The following TBC1D22A variants were observed in gnomAD, a reference collection of about 807,000 sequenced individuals.
TBC1D22A encodes the protein TBC1 domain family member 22A.
TBC1D22A carries 38 observed loss-of-function variants against 60.2 expected under a neutral mutation model. That is an observed-to-expected ratio of 0.63 (90% confidence interval 0.49 to 0.83). TBC1D22A has a LOEUF of 0.83. TBC1D22A is among the 40% of genes least tolerant of loss of function. TBC1D22A has a pLI of 0.00. For missense variants in TBC1D22A, 628 were observed against 701.0 expected (o/e 0.90, Z 1.18); for synonymous variants, 302 against 281.7 (o/e 1.07, Z -0.72).
chr22:46,773,485 G>A (rs923209946), intron 1 of TBC1D22A, among the ~76,000 whole-genome samples: 1 of 152,108 alleles, frequency 6.6e-6, no homozygotes, highest in East Asian at 1.9e-4. Context: ...TTTTTTTGGA[G>A]ATGGAGTCTT....
chr22:47,067,092 C>G (rs2063799820), intron 11 of TBC1D22A, among the ~76,000 whole-genome samples: 2 of 152,148 alleles, frequency 1.3e-5, no homozygotes. Flanking sequence ...ATGGTAAAAC[C>G]CTATCTCTAC....
intron 1 of TBC1D22A, among the ~76,000 whole-genome samples, chr22:46,786,821 T>C (rs1024945378): frequency 2.0e-5 from 3 of 152,196 alleles, no homozygotes; most frequent in Admixed American, 1.3e-4. Flanking sequence ...TCTGAGTAGC[T>C]GGGACTACAG....
At chr22:47,087,591 A>G (rs972908665) in intron 11 of TBC1D22A, among the ~76,000 whole-genome samples, 4 of 152,256 alleles carry the variant, frequency 2.6e-5, no homozygotes, top group Admixed American at 1.3e-4. Context: ...TAATATTATT[A>G]GTGCTGTTTG....
At chr22:47,124,072 G>A (rs766978764) in intron 12 of TBC1D22A, among the ~76,000 whole-genome samples, 10 of 152,176 alleles carry the variant, frequency 6.6e-5, no homozygotes, top group Non-Finnish European at 1.3e-4. Context: ...CTTACTGCCG[G>A]ATTAGGCCTC....
chr22:46,964,891 G>T (rs1011509997), intron 8 of TBC1D22A, among the ~76,000 whole-genome samples: 1 of 152,250 alleles, frequency 6.6e-6, no homozygotes, highest in Non-Finnish European at 1.5e-5. Flanking sequence ...TTGCGACAGG[G>T]GCCACAGCCA....
intron 12 of TBC1D22A, among the ~76,000 whole-genome samples, chr22:47,156,426 G>A (rs532681539): frequency 1.1e-4 from 17 of 152,298 alleles, no homozygotes; most frequent in African/African-American, 2.9e-4. Flanking sequence ...GCCACGGGCC[G>A]GCTGCTTGAC....
intron 11 of TBC1D22A, among the ~76,000 whole-genome samples, chr22:47,090,256 T>A (rs1215233403): frequency 2.0e-5 from 3 of 152,118 alleles, no homozygotes; most frequent in Non-Finnish European, 2.9e-5. Flanking sequence ...AGCTCATGTC[T>A]CCACCCGGCA....
chr22:47,016,456 AATAC>A (rs369298442), intron 10 of TBC1D22A, among the ~76,000 whole-genome samples: 3,102 of 152,234 alleles, frequency 0.02, 57 homozygotes, highest in South Asian at 0.084. Context: ...AAGTGTTTTG[AATAC>A]AGTCCTTGCC....
intron 3 of TBC1D22A, among the ~76,000 whole-genome samples, chr22:46,797,181 G>T (rs2084690926): frequency 1.3e-5 from 2 of 152,216 alleles, no homozygotes; most frequent in South Asian, 4.1e-4. Context: ...ACAGCCCGAG[G>T]GGCCCTGGAG....
intron 10 of TBC1D22A, among the ~76,000 whole-genome samples, chr22:47,032,219 C>A (rs2062501617): frequency 6.6e-6 from 1 of 150,972 alleles, no homozygotes; most frequent in Non-Finnish European, 1.5e-5. Flanking sequence ...TCATCCTCAT[C>A]CATGGCAGCG....
intron 11 of TBC1D22A, among the ~76,000 whole-genome samples, chr22:47,095,290 T>C (rs2065129835): frequency 6.6e-6 from 1 of 152,248 alleles, no homozygotes; most frequent in African/African-American, 2.4e-5. Flanking sequence ...ACCACATCTA[T>C]GTAAATACGC....
chr22:47,049,796 G>A (rs1397708960), intron 11 of TBC1D22A, among the ~76,000 whole-genome samples: 3 of 152,174 alleles, frequency 2.0e-5, no homozygotes, highest in Non-Finnish European at 2.9e-5. Flanking sequence ...AATGTGGTGC[G>A]TGATTTTTCA....
intron 7 of TBC1D22A, among the ~76,000 whole-genome samples, chr22:46,896,333 G>T (rs1211293927): frequency 6.6e-6 from 1 of 152,040 alleles, no homozygotes; most frequent in Non-Finnish European, 1.5e-5. Context: ...TTTCTTGGTG[G>T]ATCTTGATGA....
chr22:46,820,104 C>T lies in TBC1D22A; in HGVS notation c.637+22484C>T, dbSNP rs181813535. On this transcript the variant is annotated intron_variant, in intron 4 of 12. Transcript: ENST00000337137. ...TGATATCTCCTTTATCACTTTTTAT[C>T]GTGTCTCTTTGATTCTTCTCTCCCT... 1.7e-3 allele frequency among the ~76,000 whole-genome samples: 260 copies of T among 152,088 alleles called. 1 individual carries two copies. Among genetic ancestry groups the T allele is most frequent in the Middle Eastern group, 0.014 (4 of 294 alleles).
At chr22:46,805,038 C>T (rs763417662) in intron 4 of TBC1D22A, among the ~76,000 whole-genome samples, 10 of 152,150 alleles carry the variant, frequency 6.6e-5, no homozygotes, top group East Asian at 1.9e-4. Flanking sequence ...CATTGCTCCT[C>T]GCCCTGTACA....
At position 46,912,198 on chromosome 22, in the gene TBC1D22A, C is replaced by G; in HGVS notation, c.1015+10C>G. On this transcript the variant is annotated intron_variant, in intron 8 of 12. Coordinates refer to ENST00000337137, the MANE Select transcript of TBC1D22A (RefSeq NM_014346.5). ...ATTTGTGAATACATAGGTAAGATTT[C>G]TTGCAAACATTAAACGTGAACTTTA... 6.3e-7 allele frequency: 1 copy of G among 1,597,366 alleles called. No individual in the cohort carries two copies. Among genetic ancestry groups the G allele is most frequent in the Non-Finnish European group, 8.6e-7 (1 of 1,165,886 alleles).
chr22:46,867,757 C>T (rs573128599), intron 4 of TBC1D22A, among the ~76,000 whole-genome samples: 19 of 152,292 alleles, frequency 1.2e-4, no homozygotes, highest in African/African-American at 3.1e-4. Flanking sequence ...GGGCAGCATG[C>T]GATCACAGCA....
chr22:46,872,298 C>G (rs1030418987), intron 4 of TBC1D22A, among the ~76,000 whole-genome samples: 1 of 152,062 alleles, frequency 6.6e-6, no homozygotes, highest in African/African-American at 2.4e-5. Context: ...GAGTAGTAAA[C>G]ACTTCTCATT....
At chr22:47,018,480 G>T (rs769195596) in intron 10 of TBC1D22A, among the ~76,000 whole-genome samples, 3 of 152,170 alleles carry the variant, frequency 2.0e-5, no homozygotes, top group Non-Finnish European at 4.4e-5. Context: ...TTCTCTGCCT[G>T]CCGTTCGGCT....
Sources: allele counts gnomAD v4.1 joint callset (sites outside exome capture counted in the v4.1 genomes callset), GRCh38; gene constraint gnomAD v4.1.1; transcripts MANE v1.5; gene names NCBI Gene and HGNC (gene_info 2026-07-23, HGNC 2026-07-21).